Variants in NFATC3 observed in about 807,000 individuals in gnomAD.
NFATC3 encodes nuclear factor of activated T-cells, cytoplasmic 3.
NFATC3 carries 46 observed loss-of-function variants against 98.6 expected under a neutral mutation model. The ratio of observed to expected loss-of-function variants is 0.47; its 90% CI spans 0.37 to 0.60. The LOEUF (loss-of-function observed/expected upper bound fraction) is 0.60. NFATC3 is among the 20% of genes least tolerant of loss of function. The pLI is 0.00. For synonymous variants in NFATC3, 512 were observed against 472.2 expected (o/e 1.08, Z -1.09); for missense variants, 1,256 against 1,295.5 (o/e 0.97, Z 0.47).
intron 4 of NFATC3, among the ~76,000 whole-genome samples, chr16:68,159,437 T>A (rs949565782): frequency 3.3e-5 from 5 of 151,238 alleles, no homozygotes; most frequent in Non-Finnish European, 4.4e-5. Context: ...TTATTTATTT[T>A]TTTCAAGATG....
chr16:68,151,631 G>C (rs1427753264), intron 3 of NFATC3, among the ~76,000 whole-genome samples: 1 of 152,142 alleles, frequency 6.6e-6, no homozygotes. Flanking sequence ...AGATAAAGTT[G>C]AATCTCTGGC....
Position 68,122,736 on chromosome 16 carries a change from G to A in NFATC3, c.853G>A (p.Gly285Arg). The part of the protein sequence containing the change: ...RHSSAEVCYA[G>R]SLSPHHSPVP... ...CTCCAGTGCTGAAGTTTGTTATGCT[G>A]GGTCCCTTTCACCCCATCACTCACC... Residue 285 changes from glycine (G) to arginine (R), a missense_variant, in exon 2 of 10, where the codon GGG (glycine) becomes AGG (arginine). Transcript: ENST00000346183. The A allele has an allele frequency of 6.2e-7, 1 of 1,614,208 alleles. No homozygotes were observed. Among genetic ancestry groups the A allele is most frequent in the South Asian group, 1.1e-5 (1 of 91,088 alleles).
intron 4 of NFATC3, among the ~76,000 whole-genome samples, chr16:68,158,676 C>A (rs1482478186): frequency 6.6e-6 from 1 of 152,098 alleles, no homozygotes; most frequent in Non-Finnish European, 1.5e-5. Context: ...TTCTTCTTTG[C>A]CGTCTTTAGC....
chr16:68,219,562 G>A (rs1355788946), intron 9 of NFATC3, among the ~76,000 whole-genome samples: 3 of 151,862 alleles, frequency 2.0e-5, no homozygotes, highest in South Asian at 4.2e-4. Context: ...CTAAGACACT[G>A]TCTCCTAAAA....
intron 8 of NFATC3, among the ~76,000 whole-genome samples, chr16:68,184,402 T>TGA (rs1018005006): frequency 1.6e-4 from 25 of 152,188 alleles, no homozygotes; most frequent in African/African-American, 6.0e-4. Context: ...AGCTTCCATA[T>TGA]GATAGCTTTA....
intron 4 of NFATC3, 80 bp downstream of exon 4, chr16:68,158,148 T>C: frequency 1.2e-6 from 1 of 860,434 alleles, no homozygotes. Flanking sequence ...TTTTTGAATA[T>C]AAATATAAAA....
Position 68,085,765 on chromosome 16 carries a change from C to T in NFATC3, c.84C>T (p.Pro28=). ...AGGACGGGGCGCCGGCGCCGCCGCC[C>T]CCGGGCTCGCGGCCTGCAGGTGGGT... ...FGEDGAPAPP[P]PGSRPADLEP... is the part of the protein sequence containing the mutation. Residue 28 remains proline, a synonymous_variant, in exon 1 of 10, where the codon CCC becomes CCT. Coordinates refer to ENST00000346183, the MANE Select transcript of NFATC3 (RefSeq NM_173165.3). The T allele has an allele frequency of 6.7e-7, 1 of 1,497,696 alleles. No homozygotes were observed. Among genetic ancestry groups the T allele is most frequent in the Non-Finnish European group, 8.9e-7 (1 of 1,128,692 alleles). 92.8% of individuals were successfully genotyped at this position (1,497,696 alleles called of 1,614,324 possible).
intron 3 of NFATC3, among the ~76,000 whole-genome samples, chr16:68,139,963 A>G (rs1180342367): frequency 6.6e-6 from 1 of 152,104 alleles, no homozygotes. Flanking sequence ...TTTTATTTCC[A>G]CAAGAAAGAA....
intron 8 of NFATC3, among the ~76,000 whole-genome samples, chr16:68,187,448 A>G (rs1188241925): frequency 6.6e-6 from 1 of 152,188 alleles, no homozygotes; most frequent in African/African-American, 2.4e-5. Context: ...CCCAGGAAGA[A>G]TGAGGTACAC....
chr16:68,218,152 C>A, intron 9 of NFATC3: 1 of 534,270 alleles, frequency 1.9e-6, no homozygotes, highest in Non-Finnish European at 2.4e-6. Flanking sequence ...TCCTGGAACT[C>A]CCTGGGCTCA....
intron 3 of NFATC3, among the ~76,000 whole-genome samples, chr16:68,152,663 A>T (rs1169122202): frequency 6.6e-6 from 1 of 152,166 alleles, no homozygotes; most frequent in Non-Finnish European, 1.5e-5. Context: ...CTACAGGTGC[A>T]TGCCTTCACG....
chr16:68,189,422 G>A (rs1440586555), intron 8 of NFATC3: 5 of 213,806 alleles, frequency 2.3e-5, no homozygotes, highest in Admixed American at 2.1e-4. Flanking sequence ...GGACACATGG[G>A]AAAAAAGATT....
At chr16:68,121,128 C>T (rs1285674375) in intron 1 of NFATC3, among the ~76,000 whole-genome samples, 3 of 151,488 alleles carry the variant, frequency 2.0e-5, no homozygotes, top group Admixed American at 6.6e-5. Context: ...CACTTCTGGC[C>T]TCAAGCATTT....
chr16:68,124,357 C>T (rs1366097329), intron 2 of NFATC3, among the ~76,000 whole-genome samples: 2 of 151,828 alleles, frequency 1.3e-5, no homozygotes, highest in Non-Finnish European at 2.9e-5. Flanking sequence ...AAGTGATCCT[C>T]CTGCCTCAGT....
chr16:68,201,190 C>G (rs1321558337), intron 9 of NFATC3, among the ~76,000 whole-genome samples: 1 of 152,082 alleles, frequency 6.6e-6, no homozygotes, highest in African/African-American at 2.4e-5. Flanking sequence ...CCTCAGCCTC[C>G]TAAAGTGCTG....
At chr16:68,201,559 C>G (rs796408510) in intron 9 of NFATC3, among the ~76,000 whole-genome samples, 39 of 151,890 alleles carry the variant, frequency 2.6e-4, no homozygotes, top group African/African-American at 8.7e-4. Flanking sequence ...GCGTGAGCCA[C>G]TGTGCCCGTT....
chr16:68,152,209 CAA>C (rs769742861), intron 3 of NFATC3, among the ~76,000 whole-genome samples: 46 of 103,430 alleles, frequency 4.4e-4, no homozygotes, highest in Non-Finnish European at 4.8e-4. Context: ...CTAAAGATAC[CAA>C]AAAAAAAAAA....
chr16:68,123,022 A>G lies in NFATC3; in HGVS notation c.1139A>G (p.Gln380Arg), dbSNP rs2036633017. The G allele has an allele frequency of 6.2e-7, 1 of 1,613,886 alleles. No homozygotes were observed. The highest frequency in any genetic ancestry group is 8.5e-7 in the Non-Finnish European group (1 of 1,180,040). The change falls in exon 2 of 10, where the codon CAG becomes CGG. Residue 380 changes from glutamine to arginine, a missense_variant. Gln to Arg is a conservative substitution (Grantham distance 43, BLOSUM62 1). Transcript: ENST00000346183. ...TCAATAGATGATGGCCTTGGATCTC[A>G]GTATCCTTTAAAGAAAGATTCATGT... ...ETSIDDGLGS[Q>R]YPLKKDSCGD...
chr16:68,124,647 A>G (rs939090845), intron 2 of NFATC3, among the ~76,000 whole-genome samples: 1 of 151,146 alleles, frequency 6.6e-6, no homozygotes, highest in Non-Finnish European at 1.5e-5. Context: ...GTTAGCCAGG[A>G]TGGTCTCCAT....
Sources: gnomAD v4.1 joint callset for allele counts (sites outside exome capture counted in the v4.1 genomes callset) on GRCh38, gnomAD v4.1.1 for gene constraint, MANE v1.5 for transcripts, NCBI Gene and HGNC (gene_info 2026-07-23, HGNC 2026-07-21) for gene names.